Variants in IL12RB2 observed in about 807,000 individuals in gnomAD.
IL12RB2 encodes the protein interleukin 12 receptor subunit beta 2.
A neutral mutation model predicts 89.4 loss-of-function variants in IL12RB2; 82 were observed. That is an observed-to-expected ratio of 0.92 (90% CI 0.77 to 1.10). The LOEUF (loss-of-function observed/expected upper bound fraction) is 1.10. IL12RB2 is among the 50% of genes least tolerant of loss of function. The pLI, the probability that IL12RB2 is intolerant of heterozygous loss-of-function variation, is 0.00. For synonymous variants in IL12RB2, 368 were observed against 370.1 expected (o/e 0.99, Z 0.07); for missense variants, 963 against 1,031.9 (o/e 0.93, Z 0.92).
At position 67,326,832 on chromosome 1, in the gene IL12RB2, C is replaced by T. The variant is rs200724371; in HGVS notation, c.462C>T (p.Tyr154=). ...AAAGAGGACGAGACACCCACTTATA[C>T]ACTGAGTATACTCTACAGTGAGTGA... ...TWERGRDTHL[Y]TEYTLQLSGP... is the part of the protein sequence containing the mutation. Residue 154 remains tyrosine, a synonymous_variant, in exon 5 of 17, where the codon TAC becomes TAT. Coordinates refer to ENST00000674203, the MANE Select transcript of IL12RB2 (RefSeq NM_001374259.2). The T allele has an allele frequency of 8.7e-6, 14 of 1,613,136 alleles. No individual in the cohort carries two copies. The highest frequency in any genetic ancestry group is 3.3e-5 in the Admixed American group (2 of 59,990).
At chr1:67,316,421 A>AGG (rs1553307296) in intron 2 of IL12RB2, among the ~76,000 whole-genome samples, 1 of 146,148 alleles carries the variant, frequency 6.8e-6, no homozygotes, top group African/African-American at 2.5e-5. Context: ...TCCCCAGAGT[A>AGG]GTGTGTGTGT....
intron 16 of IL12RB2, among the ~76,000 whole-genome samples, chr1:67,392,655 G>A (rs888179625): frequency 2.4e-5 from 3 of 126,518 alleles, no homozygotes; most frequent in African/African-American, 9.1e-5. Context: ...TTTTTGAGAC[G>A]GAGTCTCGCT....
At chr1:67,325,327 A>G (rs1657143227) in intron 4 of IL12RB2, among the ~76,000 whole-genome samples, 1 of 152,218 alleles carries the variant, frequency 6.6e-6, no homozygotes, top group African/African-American at 2.4e-5. Flanking sequence ...CACTGGCACA[A>G]TCTCAGCTCG....
intron 9 of IL12RB2, among the ~76,000 whole-genome samples, chr1:67,347,186 C>G (rs140111421): frequency 4.6e-5 from 7 of 152,260 alleles, no homozygotes; most frequent in African/African-American, 1.7e-4. Flanking sequence ...TCAAAGTCAG[C>G]AGTATTCCAA....
chr1:67,382,784 C>A (rs1240640131), intron 14 of IL12RB2, among the ~76,000 whole-genome samples: 1 of 151,246 alleles, frequency 6.6e-6, no homozygotes, highest in East Asian at 1.9e-4. Flanking sequence ...TAGCTCACTG[C>A]AGCCTCAAAA....
intron 10 of IL12RB2, among the ~76,000 whole-genome samples, chr1:67,353,926 ACTT>A (rs1661101107): frequency 6.6e-6 from 1 of 152,204 alleles, no homozygotes; most frequent in South Asian, 2.1e-4. Context: ...TTTGGTGACA[ACTT>A]CTCAAATGTC....
At chr1:67,388,423 G>A (rs960334325) in intron 15 of IL12RB2, among the ~76,000 whole-genome samples, 1 of 152,124 alleles carries the variant, frequency 6.6e-6, no homozygotes, top group Non-Finnish European at 1.5e-5. Context: ...TTGGCTCACT[G>A]CAGCCTCTGC....
At chr1:67,384,916 G>C (rs1664980466) in intron 14 of IL12RB2, among the ~76,000 whole-genome samples, 1 of 152,176 alleles carries the variant, frequency 6.6e-6, no homozygotes. Flanking sequence ...AAGTCTCTAG[G>C]AAGTTCCTAA....
intron 9 of IL12RB2, among the ~76,000 whole-genome samples, chr1:67,344,778 C>T (rs945094985): frequency 6.6e-6 from 1 of 152,208 alleles, no homozygotes; most frequent in African/African-American, 2.4e-5. Context: ...AGTAGCACAT[C>T]TTGGCTCGGA....
At chr1:67,319,906 AC>A (rs1225459019) in intron 2 of IL12RB2, among the ~76,000 whole-genome samples, 3 of 152,140 alleles carry the variant, frequency 2.0e-5, no homozygotes, top group Non-Finnish European at 4.4e-5. Context: ...TGTCCCTTCC[AC>A]CATGTGAGGT....
Position 67,380,022 on chromosome 1 carries a change from T to C in IL12RB2, c.1754T>C (p.Ile585Thr). The C allele has an allele frequency of 6.2e-7, 1 of 1,612,702 alleles. No individual in the cohort carries two copies. Among genetic ancestry groups the C allele is most frequent in the Non-Finnish European group, 8.5e-7 (1 of 1,178,666 alleles). The change falls in exon 14 of 17, where the codon ATA becomes ACA. Residue 585 changes from isoleucine to threonine, a missense_variant. By Grantham distance (89) the Ile-to-Thr change is moderately conservative. Transcript: ENST00000674203. ...PYRVSQNSHP[I>T]NSLQPRVTYV... Reference sequence around the variant, plus strand: ...AGAGTCTCCCAAAATTCACATCCAATAAACAGCCTGCAGCCCCGAGTGACA... The same window carrying C: ...AGAGTCTCCCAAAATTCACATCCAACAAACAGCCTGCAGCCCCGAGTGACA...
intron 10 of IL12RB2, among the ~76,000 whole-genome samples, chr1:67,366,886 C>T (rs906568608): frequency 3.3e-5 from 5 of 152,068 alleles, no homozygotes; most frequent in Admixed American, 1.3e-4. Context: ...ATAATAGCAG[C>T]TGGATGTATA....
intron 5 of IL12RB2, among the ~76,000 whole-genome samples, chr1:67,327,257 CCTAT>C (rs997971316): frequency 3.3e-4 from 50 of 152,266 alleles, no homozygotes; most frequent in Admixed American, 7.2e-4. Context: ...CGGTGCCCGG[CCTAT>C]CTGTTTTATT....
chr1:67,319,894 G>A (rs1035622741), intron 2 of IL12RB2, among the ~76,000 whole-genome samples: 14 of 152,082 alleles, frequency 9.2e-5, no homozygotes, highest in Non-Finnish European at 1.8e-4. Context: ...AGAGAGCTCC[G>A]TTGTCCCTTC....
At chr1:67,322,427 T>A (rs1656670468) in intron 4 of IL12RB2, among the ~76,000 whole-genome samples, 2 of 99,384 alleles carry the variant, frequency 2.0e-5, no homozygotes. Flanking sequence ...TCTAGGAAAC[T>A]GACTCCAGCA....
chr1:67,328,124 A>C (rs375853611), intron 5 of IL12RB2, 76 bp from the exon 6 acceptor site: 3 of 1,015,052 alleles, frequency 3.0e-6, no homozygotes, highest in African/African-American at 1.6e-5. Flanking sequence ...ATATTTAAAC[A>C]TTTTGTTCTT....
In IL12RB2 at chr1:67,315,374, G is replaced by A. The variant is rs112431474; in HGVS notation, c.-37+1374G>A. Among the ~76,000 whole-genome samples, 20 of 152,014 alleles carry A rather than the reference G, an allele frequency of 1.3e-4. No individual in the cohort carries two copies. The East Asian group carries it at 3.1e-3, about 23-fold the overall frequency. ...ATGTTGAAAATTTCTACAAAGGGGCGCCATAGATATCTTTTGCAGTTAGGA... is the reference window on the plus strand; with the variant it reads ...ATGTTGAAAATTTCTACAAAGGGGCACCATAGATATCTTTTGCAGTTAGGA... On this transcript the variant is annotated intron_variant, in intron 2 of 16. Coordinates refer to ENST00000674203, the MANE Select transcript of IL12RB2 (RefSeq NM_001374259.2).
intron 10 of IL12RB2, among the ~76,000 whole-genome samples, chr1:67,356,034 T>C (rs1661357305): frequency 6.6e-6 from 1 of 152,238 alleles, no homozygotes; most frequent in Non-Finnish European, 1.5e-5. Flanking sequence ...CAATAAATAC[T>C]TGCTGAATGA....
intron 9 of IL12RB2, among the ~76,000 whole-genome samples, chr1:67,340,749 A>G (rs1874791): frequency 0.67 from 102,441 of 152,178 alleles, 38,377 homozygotes; most frequent in South Asian, 0.84. Flanking sequence ...GAGTGAAGTC[A>G]AAATAAGTAT....
Sources: gnomAD v4.1 joint callset for allele counts (sites outside exome capture counted in the v4.1 genomes callset) on GRCh38, gnomAD v4.1.1 for gene constraint, MANE v1.5 for transcripts, NCBI Gene and HGNC (gene_info 2026-07-23, HGNC 2026-07-21) for gene names.